Variants in GRAP2 observed in about 807,000 individuals in gnomAD.
GRAP2 encodes the protein GRB2 related adaptor protein 2, also known as GRB2-related adapter protein 2.
GRAP2 carries 31 observed loss-of-function variants against 43.5 expected under a neutral mutation model. That is an observed-to-expected ratio of 0.71 (90% confidence interval 0.54 to 0.96). The LOEUF is 0.96. GRAP2 is among the 40% of genes least tolerant of loss of function. GRAP2 has a pLI of 0.00. For synonymous variants in GRAP2, 156 were observed against 164.8 expected, an observed-to-expected ratio of 0.95 and a Z score of 0.41; for missense variants, 371 against 424.4, an observed-to-expected ratio of 0.87 and a Z score of 1.11.
At chr22:39,909,746 A>C (rs1007535310) in intron 1 of GRAP2, among the ~76,000 whole-genome samples, 1 of 152,218 alleles carries the variant, frequency 6.6e-6, no homozygotes, top group African/African-American at 2.4e-5. Context: ...AGATTAAAAA[A>C]CAGCTCAAGA....
At position 39,973,252 on chromosome 22, in the gene GRAP2, C is replaced by T. The variant is rs779338078; in HGVS notation, c.*2168C>T. The T allele has an allele frequency of 2.6e-5, 4 of 152,210 alleles. No homozygotes were observed. The highest frequency in any genetic ancestry group is 7.2e-5 in the African/African-American group (3 of 41,414). 9.4% of individuals were successfully genotyped at this position (152,210 alleles called of 1,614,324 possible). On this transcript the variant is annotated 3_prime_UTR_variant, in exon 8 of 8. Coordinates refer to ENST00000344138, the MANE Select transcript of GRAP2 (RefSeq NM_004810.4). ...TGTGGGAGGACCAGCTCTAGTTAGA[C>T]GGAGGTATGTGATTCGATTCTGGTG... is the stretch of plus-strand genomic sequence containing the variant.
At chr22:39,953,297 A>G (rs905265258) in intron 2 of GRAP2, among the ~76,000 whole-genome samples, 4 of 152,122 alleles carry the variant, frequency 2.6e-5, no homozygotes, top group African/African-American at 9.7e-5. Flanking sequence ...GAAGCCCATG[A>G]GCCCTTTCTC....
intron 2 of GRAP2, among the ~76,000 whole-genome samples, chr22:39,950,239 A>T (rs957941918): frequency 6.6e-6 from 1 of 151,204 alleles, no homozygotes; most frequent in Admixed American, 6.6e-5. Flanking sequence ...GAAACAAATC[A>T]CTCCCTCTTC....
intron 1 of GRAP2, among the ~76,000 whole-genome samples, chr22:39,943,711 C>T (rs1354195661): frequency 2.7e-5 from 4 of 149,132 alleles, no homozygotes; most frequent in Non-Finnish European, 6.0e-5. Flanking sequence ...AGGGGCCTCT[C>T]TTTTCTTTCT....
intron 1 of GRAP2, among the ~76,000 whole-genome samples, chr22:39,944,176 C>A (rs1165980761): frequency 6.6e-6 from 1 of 152,168 alleles, no homozygotes; most frequent in Admixed American, 6.5e-5. Flanking sequence ...TTCTCCAATG[C>A]AGTATGTAGT....
At chr22:39,954,051 C>G (rs905656712) in intron 2 of GRAP2, among the ~76,000 whole-genome samples, 9 of 152,218 alleles carry the variant, frequency 5.9e-5, no homozygotes, top group African/African-American at 2.2e-4. Context: ...CACCACACCT[C>G]CTCAGAGCTG....
chr22:39,954,539 C>T (rs1270855619), intron 2 of GRAP2, among the ~76,000 whole-genome samples: 1 of 152,166 alleles, frequency 6.6e-6, no homozygotes, highest in Non-Finnish European at 1.5e-5. Flanking sequence ...GGATTACAGG[C>T]ATGTGCCACC....
intron 1 of GRAP2, among the ~76,000 whole-genome samples, chr22:39,907,475 C>T (rs923995034): frequency 2.6e-5 from 4 of 152,168 alleles, no homozygotes; most frequent in African/African-American, 7.2e-5. Context: ...AAAGAGTTGT[C>T]GTACAGGCTC....
At chr22:39,912,784 G>A (rs1212879276) in intron 1 of GRAP2, among the ~76,000 whole-genome samples, 2 of 152,182 alleles carry the variant, frequency 1.3e-5, no homozygotes, top group Admixed American at 6.5e-5. Context: ...TGGCCGGAGT[G>A]ATGGTGGTGG....
intron 1 of GRAP2, among the ~76,000 whole-genome samples, chr22:39,941,389 G>A (rs955199074): frequency 1.1e-4 from 16 of 152,128 alleles, no homozygotes; most frequent in African/African-American, 2.4e-5. Flanking sequence ...ATCCAGGTTC[G>A]TCTACTACTA....
intron 1 of GRAP2, among the ~76,000 whole-genome samples, chr22:39,907,815 AC>A (rs2066533590): frequency 6.6e-6 from 1 of 152,212 alleles, no homozygotes; most frequent in African/African-American, 2.4e-5. Flanking sequence ...AGGTAGACAG[AC>A]CACAGATTTT....
At chr22:39,956,035 T>G (rs2067046444) in intron 3 of GRAP2, 125 bp downstream of exon 3, 1 of 628,484 alleles carries the variant, frequency 1.6e-6, no homozygotes, top group Non-Finnish European at 3.0e-6. Context: ...TGGAGCTCTC[T>G]CCGGAGAGCC....
intron 1 of GRAP2, among the ~76,000 whole-genome samples, chr22:39,903,979 T>G (rs1385791934): frequency 6.6e-6 from 1 of 152,238 alleles, no homozygotes; most frequent in Non-Finnish European, 1.5e-5. Flanking sequence ...TGTTTTCTTT[T>G]TAAATATGTA....
chr22:39,944,299 A>G (rs948644240), intron 1 of GRAP2, among the ~76,000 whole-genome samples: 9 of 152,152 alleles, frequency 5.9e-5, no homozygotes, highest in African/African-American at 2.2e-4. Flanking sequence ...TGGGATATAC[A>G]TTTCCATGCA....
chr22:39,948,953 C>T (rs2066953162), intron 2 of GRAP2, among the ~76,000 whole-genome samples: 1 of 152,112 alleles, frequency 6.6e-6, no homozygotes, highest in African/African-American at 2.4e-5. Context: ...TCTGATTTTT[C>T]TTCTCACTCT....
intron 2 of GRAP2, among the ~76,000 whole-genome samples, chr22:39,953,359 A>G (rs1213380022): frequency 6.6e-6 from 1 of 151,844 alleles, no homozygotes; most frequent in Admixed American, 6.6e-5. Context: ...GTCACCACCT[A>G]CTCAGTCTCC....
Position 39,973,272 on chromosome 22 carries a change from C to G in GRAP2, c.*2188C>G, listed in dbSNP as rs2067263499. 1 of 152,224 alleles carries G rather than the reference C, an allele frequency of 6.6e-6. No individual in the cohort carries two copies. Among genetic ancestry groups the G allele is most frequent in the South Asian group, 2.1e-4 (1 of 4,832 alleles). 9.4% of individuals were successfully genotyped at this position (152,224 alleles called of 1,614,324 possible). ...TTAGACGGAGGTATGTGATTCGATT[C>G]TGGTGGAGACTTTGTGCCTTGAAAG... is the stretch of plus-strand genomic sequence containing the variant. On this transcript the variant is annotated 3_prime_UTR_variant, in exon 8 of 8. Coordinates refer to ENST00000344138, the MANE Select transcript of GRAP2 (RefSeq NM_004810.4).
intron 3 of GRAP2, among the ~76,000 whole-genome samples, chr22:39,958,203 G>A (rs2067079125): frequency 6.6e-6 from 1 of 152,008 alleles, no homozygotes; most frequent in Non-Finnish European, 1.5e-5. Context: ...TCCTCCCACT[G>A]CCCTGGCTTC....
rs2067260567 is a variant in GRAP2 at position 39,972,928 on chromosome 22, T to G, written c.*1844T>G. The G allele has an allele frequency of 6.6e-6, 1 of 151,040 alleles. No homozygotes were observed. The highest frequency in any genetic ancestry group is 2.5e-5 in the African/African-American group (1 of 40,486). 9.4% of individuals were successfully genotyped at this position (151,040 alleles called of 1,614,324 possible). ...AGGGGGAGGAAAGGGAGAGGGTGAG[T>G]GGGGCCAGGGAAGAGAACGGTGTGG... On this transcript the variant is annotated 3_prime_UTR_variant, in exon 8 of 8. Coordinates refer to ENST00000344138, the MANE Select transcript of GRAP2 (RefSeq NM_004810.4).
Sources: gnomAD v4.1 joint callset for allele counts (sites outside exome capture counted in the v4.1 genomes callset) on GRCh38, gnomAD v4.1.1 for gene constraint, MANE v1.5 for transcripts, NCBI Gene and HGNC (gene_info 2026-07-23, HGNC 2026-07-21) for gene names.